CDYL: variants seen among roughly 807,000 people sequenced by gnomAD.
CDYL encodes the protein chromodomain Y like.
In CDYL, 8 loss-of-function variants were observed where a neutral mutation model predicts 47.3. The ratio of observed to expected loss-of-function variants is 0.17; its 90% CI spans 0.10 to 0.31. The LOEUF (loss-of-function observed/expected upper bound fraction) is 0.31. Ranked by LOEUF, CDYL falls within the 10% of genes least tolerant of loss-of-function variation. The pLI is 1.00. For synonymous variants in CDYL, 266 were observed against 265.0 expected (o/e 1.00, Z -0.04); for missense variants, 471 against 701.4 (o/e 0.67, Z 3.71).
intron 2 of CDYL, among the ~76,000 whole-genome samples, chr6:4,900,562 T>G (rs1433128619): frequency 4.0e-5 from 6 of 151,862 alleles, no homozygotes; most frequent in Non-Finnish European, 7.4e-5. Flanking sequence ...TGTAATTGAT[T>G]TAAAATTTTA....
intron 1 of CDYL, chr6:4,714,628 T>C (rs561951448): frequency 1.3e-5 from 2 of 152,400 alleles, no homozygotes; most frequent in South Asian, 4.1e-4. Context: ...TCAGCTACCC[T>C]GAACATTCCC....
At position 4,939,374 on chromosome 6, in the gene CDYL, C is replaced by T. The variant is rs1032913588; in HGVS notation, c.1121+1637C>T. Reference sequence around the variant, plus strand: ...CAAGATGGCTCTGATGGGCACCAAACAGCCCATCACAGGAGTCCTGGAACC... The same window carrying T: ...CAAGATGGCTCTGATGGGCACCAAATAGCCCATCACAGGAGTCCTGGAACC... On this transcript the variant is annotated intron_variant, in intron 4 of 6. Coordinates refer to ENST00000397588, the MANE Select transcript of CDYL (RefSeq NM_004824.4). Among the ~76,000 whole-genome samples, 5 of 152,138 alleles carry T rather than the reference C, an allele frequency of 3.3e-5. No individual in the cohort carries two copies. In the East Asian group the frequency reaches 9.6e-4, roughly 29 times the overall value.
chr6:4,953,321 T>C (rs1296553675), intron 6 of CDYL, among the ~76,000 whole-genome samples: 1 of 151,722 alleles, frequency 6.6e-6, no homozygotes, highest in East Asian at 2.0e-4. Context: ...GAGGCGGAGA[T>C]TGCAGTGAGC....
intron 2 of CDYL, among the ~76,000 whole-genome samples, chr6:4,722,069 G>C (rs1403235428): frequency 6.6e-6 from 1 of 152,020 alleles, no homozygotes. Context: ...TGGTCAGGCT[G>C]GTCTCAAACT....
At chr6:4,835,042 T>G (rs2127455756) in intron 1 of CDYL, among the ~76,000 whole-genome samples, 1 of 152,190 alleles carries the variant, frequency 6.6e-6, no homozygotes, top group Admixed American at 6.5e-5. Flanking sequence ...GCTCGTAGTT[T>G]GATCGTCTGA....
chr6:4,746,553 A>G (rs991674867), intron 3 of CDYL, among the ~76,000 whole-genome samples: 1 of 152,174 alleles, frequency 6.6e-6, no homozygotes, highest in Non-Finnish European at 1.5e-5. Flanking sequence ...TGGAGAGACC[A>G]GAGCTTGATG....
chr6:4,824,748 T>C (rs139149431), intron 1 of CDYL, among the ~76,000 whole-genome samples: 2 of 152,224 alleles, frequency 1.3e-5, no homozygotes, highest in African/African-American at 4.8e-5. Context: ...TTTCTTTTGC[T>C]GTTCATCCTT....
intron 4 of CDYL, among the ~76,000 whole-genome samples, chr6:4,940,139 A>G (rs934528608): frequency 6.6e-6 from 1 of 152,088 alleles, no homozygotes; most frequent in African/African-American, 2.4e-5. Context: ...GTCACTTTAA[A>G]AGTTCACTTT....
intron 1 of CDYL, among the ~76,000 whole-genome samples, chr6:4,807,699 G>T (rs1442633965): frequency 7.0e-6 from 1 of 142,130 alleles, no homozygotes; most frequent in East Asian, 2.2e-4. Context: ...TACCTCCTGG[G>T]CTCAGGCAAT....
chr6:4,913,454 G>C (rs181799160), intron 2 of CDYL, among the ~76,000 whole-genome samples: 1 of 152,304 alleles, frequency 6.6e-6, no homozygotes, highest in East Asian at 1.9e-4. Context: ...AGAGAATGGT[G>C]GCTCGTAGTG....
intron 1 of CDYL, among the ~76,000 whole-genome samples, chr6:4,867,440 C>T (rs889827004): frequency 1.3e-5 from 2 of 152,118 alleles, no homozygotes; most frequent in Non-Finnish European, 2.9e-5. Context: ...ACATTAAGTA[C>T]GTATTAGCTG....
chr6:4,906,103 G>A (rs1053465749), intron 2 of CDYL, among the ~76,000 whole-genome samples: 2 of 152,290 alleles, frequency 1.3e-5, no homozygotes, highest in African/African-American at 4.8e-5. Context: ...ATGGTGAGAG[G>A]GTTGTACATT....
In CDYL at chr6:4,890,626, C is replaced by T. The variant is rs145671375; in HGVS notation, c.25-1087C>T. Among the ~76,000 whole-genome samples the T allele has an allele frequency of 2.7e-3, 411 of 152,318 alleles. 2 individuals carry two copies. Among genetic ancestry groups the T allele is most frequent in the Non-Finnish European group, 2.7e-3 (181 of 68,026 alleles). ...GGGGTATTCTCCCGTTCTCTACGAT[C>T]ATCAGCACTTCTACTCATTAGGCTC... is the stretch of plus-strand genomic sequence containing the variant. On this transcript the variant is annotated intron_variant, in intron 1 of 6. Transcript: ENST00000397588.
chr6:4,950,566 A>G (rs945777139), intron 5 of CDYL, among the ~76,000 whole-genome samples: 2 of 152,266 alleles, frequency 1.3e-5, no homozygotes, highest in Non-Finnish European at 1.5e-5. Flanking sequence ...GCGTTTCTAA[A>G]TCCACTGTTT....
At chr6:4,872,025 G>A (rs775492156) in intron 1 of CDYL, among the ~76,000 whole-genome samples, 7 of 152,166 alleles carry the variant, frequency 4.6e-5, no homozygotes, top group Non-Finnish European at 8.8e-5. Flanking sequence ...TGCTTTATCT[G>A]TCTGTCATTG....
intron 1 of CDYL, among the ~76,000 whole-genome samples, chr6:4,858,840 A>G (rs189123308): frequency 6.6e-6 from 1 of 152,346 alleles, no homozygotes; most frequent in African/African-American, 2.4e-5. Context: ...AAAAAGGGGA[A>G]GACAGAAATG....
At chr6:4,948,440 A>G (rs926371606) in intron 5 of CDYL, among the ~76,000 whole-genome samples, 1 of 151,828 alleles carries the variant, frequency 6.6e-6, no homozygotes, top group Non-Finnish European at 1.5e-5. Context: ...GTTTCTCCCT[A>G]CTCTACAAGC....
At chr6:4,725,370 T>C (rs1757489353) in intron 2 of CDYL, among the ~76,000 whole-genome samples, 1 of 152,150 alleles carries the variant, frequency 6.6e-6, no homozygotes, top group African/African-American at 2.4e-5. Context: ...CTGGGCGCCG[T>C]GGAGCAGGGG....
intron 4 of CDYL, 127 bp downstream of exon 4, chr6:4,937,864 G>A: frequency 2.9e-6 from 2 of 687,774 alleles, no homozygotes; most frequent in Admixed American, 6.8e-5. Context: ...AGAGACACGA[G>A]CAGCAAAATT....
Sources: gnomAD v4.1 joint callset for allele counts (sites outside exome capture counted in the v4.1 genomes callset) on GRCh38, gnomAD v4.1.1 for gene constraint, MANE v1.5 for transcripts, NCBI Gene and HGNC (gene_info 2026-07-23, HGNC 2026-07-21) for gene names.